Variants in FKBP1B observed in about 807,000 individuals in gnomAD.
FKBP1B encodes peptidyl-prolyl cis-trans isomerase FKBP1B.
In FKBP1B, 4 loss-of-function variants were observed where a neutral mutation model predicts 13.5. The observed-to-expected ratio is 0.30, with a 90% CI of 0.15 to 0.68. FKBP1B has a LOEUF of 0.68. FKBP1B is among the 30% of genes least tolerant of loss of function. The pLI, the probability that FKBP1B is intolerant of heterozygous loss-of-function variation, is 0.76. For synonymous variants in FKBP1B, 54 were observed against 53.6 expected (o/e 1.01, Z -0.03); for missense variants, 93 against 136.2 (o/e 0.68, Z 1.58).
At chr2:24,040,170 A>G in the FKBP1B span, among the ~76,000 whole-genome samples, 6 of 152,274 alleles carry the variant, frequency 3.9e-5, no homozygotes, top group Non-Finnish European at 7.4e-5. Context: ...TATTATTTAA[A>G]TAAGCATGTT....
rs1311628179 is a variant in FKBP1B, at chr2:24,062,019, G to A, written c.199-1045G>A. ...CTAGTAGCTGGGACTACAGGCGCCC[G>A]CCACCACGGCCGGCTAATTTTTTTG... On this transcript the variant is annotated intron_variant, in intron 3 of 3. Transcript: ENST00000380986. Among the ~76,000 whole-genome samples, 5 of 149,032 alleles carry A rather than the reference G, an allele frequency of 3.4e-5. No homozygotes were observed. In the East Asian group the frequency reaches 5.8e-4, roughly 17 times the overall value.
intron 2 of FKBP1B, chr2:24,054,499 T>C (rs988789005): frequency 5.8e-6 from 1 of 172,224 alleles, no homozygotes; most frequent in African/African-American, 2.4e-5. Context: ...TCTTCAGGAC[T>C]GCTGGCAGGA....
At chr2:24,054,073 C>T in intron 2 of FKBP1B, 124 bp downstream of exon 2, 1 of 907,216 alleles carries the variant, frequency 1.1e-6, no homozygotes, top group Non-Finnish European at 1.8e-6. Context: ...GCAGGGTCTC[C>T]CTGTGACCAG....
chr2:24,061,092 A>C (rs1228456146), intron 3 of FKBP1B, among the ~76,000 whole-genome samples, 166 bp downstream of exon 3: 2 of 151,658 alleles, frequency 1.3e-5, no homozygotes, highest in Non-Finnish European at 2.9e-5. Flanking sequence ...TTGCGTCCCC[A>C]CCCCTCTCCT....
chr2:24,043,463 G>A, the FKBP1B span, among the ~76,000 whole-genome samples: 1 of 151,836 alleles, frequency 6.6e-6, no homozygotes, highest in Non-Finnish European at 1.5e-5. Context: ...GATCAGCCTG[G>A]ACAACACAGC....
intron 2 of FKBP1B, 66 bp from the exon 3 acceptor site, chr2:24,060,748 G>A (rs1347852037): frequency 4.4e-6 from 5 of 1,149,326 alleles, no homozygotes; most frequent in East Asian, 2.3e-5. Flanking sequence ...TTTTAGACAT[G>A]TGGAATCTGA....
At chr2:24,034,026 A>G in the FKBP1B span, among the ~76,000 whole-genome samples, 1 of 152,262 alleles carries the variant, frequency 6.6e-6, no homozygotes, top group African/African-American at 2.4e-5. Context: ...CGTCTTATGA[A>G]ATGTAATTTC....
the FKBP1B span, among the ~76,000 whole-genome samples, chr2:24,042,165 C>T: frequency 1.3e-5 from 2 of 150,628 alleles, no homozygotes; most frequent in Non-Finnish European, 3.0e-5. Flanking sequence ...ACTTTGGGAG[C>T]CCGAGAAGGG....
chr2:24,051,866 C>G (rs1035036937), intron 1 of FKBP1B, among the ~76,000 whole-genome samples: 1 of 152,124 alleles, frequency 6.6e-6, no homozygotes, highest in East Asian at 1.9e-4. Context: ...TATCCAGCCC[C>G]GTAGCTTTAA....
At chr2:24,036,848 T>C in the FKBP1B span, among the ~76,000 whole-genome samples, 23 of 152,166 alleles carry the variant, frequency 1.5e-4, no homozygotes, top group African/African-American at 5.6e-4. Flanking sequence ...ATGGAGAAAG[T>C]CACGAAAGGA....
Position 24,063,280 on chromosome 2 carries a change from GC to G in FKBP1B, c.*89del. ...CACTGGGACGGCTCCTGCTTTTGGG[GC>G]TCTTGATCAGTGTGCTAACCTCACT... On this transcript the variant is annotated 3_prime_UTR_variant, in exon 4 of 4. Transcript: ENST00000380986. The G allele has an allele frequency of 7.6e-7, 1 of 1,324,308 alleles. No homozygotes were observed. The highest frequency in any genetic ancestry group is 1.0e-6 in the Non-Finnish European group (1 of 984,334). The allele number at this position is 1,324,308 out of a possible 1,614,324, so 82.0% of individuals were successfully genotyped here.
intron 2 of FKBP1B, among the ~76,000 whole-genome samples, chr2:24,060,126 A>T (rs929905628): frequency 4.2e-5 from 3 of 71,800 alleles, no homozygotes; most frequent in African/African-American, 2.3e-4. Flanking sequence ...GTGTTTAAAG[A>T]AAAAAAAAAA....
At chr2:24,055,165 C>T (rs1262840579) in intron 2 of FKBP1B, among the ~76,000 whole-genome samples, 1 of 151,852 alleles carries the variant, frequency 6.6e-6, no homozygotes, top group Non-Finnish European at 1.5e-5. Context: ...AGTCATTTCA[C>T]CTCCCTAGAG....
At chr2:24,037,891 C>T in the FKBP1B span, 3 of 1,614,004 alleles carry the variant, frequency 1.9e-6, no homozygotes, top group Middle Eastern at 3.3e-4. Context: ...CTCCAGTGTG[C>T]TGGTGTGGTC....
Position 24,055,433 on chromosome 2 carries a change from C to T in FKBP1B, c.85+1484C>T, listed in dbSNP as rs554682423. 5.9e-5 allele frequency among the ~76,000 whole-genome samples: 9 copies of T among 152,124 alleles called. No individual in the cohort carries two copies. In the East Asian group the frequency reaches 7.7e-4, roughly 13 times the overall value. ...CTATGTTGCCCGGGCTGGTCTCGAACGCCTGTATGCAAGTGATCCTTCCAC... is the reference window on the plus strand; with the variant it reads ...CTATGTTGCCCGGGCTGGTCTCGAATGCCTGTATGCAAGTGATCCTTCCAC... On this transcript the variant is annotated intron_variant, in intron 2 of 3. Transcript: ENST00000380986.
At chr2:24,054,965 T>C (rs1183465621) in intron 2 of FKBP1B, among the ~76,000 whole-genome samples, 4 of 152,204 alleles carry the variant, frequency 2.6e-5, no homozygotes, top group African/African-American at 9.6e-5. Context: ...TTATCAAACA[T>C]AGCGGGAGAC....
chr2:24,034,376 C>T, the FKBP1B span, among the ~76,000 whole-genome samples: 55 of 152,098 alleles, frequency 3.6e-4, no homozygotes, highest in East Asian at 8.9e-3. Flanking sequence ...GCCAAGATCG[C>T]GCCACTGCAC....
chr2:24,044,275 TG>T, the FKBP1B span, among the ~76,000 whole-genome samples: 1 of 119,432 alleles, frequency 8.4e-6, no homozygotes, highest in African/African-American at 3.2e-5. Flanking sequence ...GGTTTTTTTT[TG>T]GGGGGGGCGT....
intron 2 of FKBP1B, among the ~76,000 whole-genome samples, chr2:24,056,444 A>G (rs1664132575): frequency 6.6e-6 from 1 of 151,656 alleles, no homozygotes; most frequent in South Asian, 2.1e-4. Context: ...CCTGGGTTCA[A>G]GCGATTCTTG....
Sources: allele counts gnomAD v4.1 joint callset (sites outside exome capture counted in the v4.1 genomes callset), GRCh38; gene constraint gnomAD v4.1.1; transcripts MANE v1.5; gene names NCBI Gene and HGNC (gene_info 2026-07-23, HGNC 2026-07-21).